Variants in ROBO1 observed in about 807,000 individuals in gnomAD.
The protein encoded by ROBO1 is roundabout guidance receptor 1, also known as roundabout homolog 1.
ROBO1 carries 149 observed loss-of-function variants against 195.9 expected under a neutral mutation model. That is an observed-to-expected ratio of 0.76 (90% CI 0.67 to 0.87). The LOEUF is 0.87. ROBO1 is among the 40% of genes least tolerant of loss of function. ROBO1 has a pLI of 0.00. For synonymous variants in ROBO1, 816 were observed against 733.2 expected, an observed-to-expected ratio of 1.11 and a Z score of -1.82; for missense variants, 1,933 against 2,068.3, an observed-to-expected ratio of 0.93 and a Z score of 1.27.
chr3:78,631,954 A>G (rs1222588681), intron 24 of ROBO1, among the ~76,000 whole-genome samples: 3 of 152,196 alleles, frequency 2.0e-5, no homozygotes, highest in Non-Finnish European at 4.4e-5. Flanking sequence ...TAGTAGTTTG[A>G]CATAGCCCAA....
intron 2 of ROBO1, among the ~76,000 whole-genome samples, chr3:79,542,764 T>G (rs142384803): frequency 6.6e-6 from 1 of 152,082 alleles, no homozygotes; most frequent in Non-Finnish European, 1.5e-5. Flanking sequence ...GAGTTACAGG[T>G]TGATCTACTG....
intron 2 of ROBO1, among the ~76,000 whole-genome samples, chr3:79,566,348 A>C (rs530041423): frequency 3.9e-5 from 6 of 152,256 alleles, no homozygotes; most frequent in African/African-American, 1.4e-4. Flanking sequence ...GTAAAGAAGA[A>C]AGCAAAATAA....
At chr3:79,254,935 G>C (rs1031155499) in intron 2 of ROBO1, among the ~76,000 whole-genome samples, 2 of 152,010 alleles carry the variant, frequency 1.3e-5, no homozygotes, top group South Asian at 2.1e-4. Context: ...TTATGCACAG[G>C]GGTACATGAG....
intron 3 of ROBO1, among the ~76,000 whole-genome samples, chr3:79,080,839 A>G (rs1455768147): frequency 6.6e-6 from 1 of 152,112 alleles, no homozygotes; most frequent in Non-Finnish European, 1.5e-5. Context: ...TTATTTAAAT[A>G]TTCAACTTTT....
chr3:79,464,862 G>C (rs917221375), intron 2 of ROBO1, among the ~76,000 whole-genome samples: 1 of 152,098 alleles, frequency 6.6e-6, no homozygotes, highest in Non-Finnish European at 1.5e-5. Context: ...ATAGGTGCAG[G>C]TACTCTACAC....
chr3:79,478,924 T>G (rs1158676527), intron 2 of ROBO1, among the ~76,000 whole-genome samples: 1 of 152,244 alleles, frequency 6.6e-6, no homozygotes, highest in African/African-American at 2.4e-5. Flanking sequence ...AAATCCAGAA[T>G]AAACTACAAA....
rs967555820 is a variant in ROBO1, at chr3:78,641,364, C to T, written c.2883-1466G>A. 3.9e-5 allele frequency among the ~76,000 whole-genome samples: 6 copies of T among 152,138 alleles called. No homozygotes were observed. The South Asian group carries it at 1.2e-3, about 32-fold the overall frequency. ...CATACACTGGAGAGTACTAAAAGTT[C>T]CTAAAGCTCTGGAATATTCTTAATG... On this transcript the variant is annotated intron_variant, in intron 21 of 30. Transcript: ENST00000464233.
In ROBO1 at chr3:78,668,584, A is replaced by C. The variant is rs773238748; in HGVS notation, c.1549-19T>G. 3.7e-6 allele frequency: 6 copies of C among 1,611,644 alleles called. No individual in the cohort carries two copies. Among genetic ancestry groups the C allele is most frequent in the Middle Eastern group, 1.6e-4 (1 of 6,074 alleles). On this transcript the variant is annotated intron_variant, in intron 11 of 30. Transcript: ENST00000464233. Reference sequence around the variant, plus strand: ...CACCCAGCTGAGAAGGCAGACAAAAAATAAATATTTGGAAAAATCAAGAAC... The same window carrying C: ...CACCCAGCTGAGAAGGCAGACAAAACATAAATATTTGGAAAAATCAAGAAC...
At chr3:78,904,000 G>T (rs329816) in intron 4 of ROBO1, among the ~76,000 whole-genome samples, 66,882 of 151,720 alleles carry the variant, frequency 0.44, 16,754 homozygotes, top group African/African-American at 0.7. Flanking sequence ...CACTGTTGTA[G>T]GAAATAACAG....
Position 78,917,173 on chromosome 3 carries a change from T to G in ROBO1, c.499+21428A>C, listed in dbSNP as rs2038658413. On this transcript the variant is annotated intron_variant, in intron 4 of 30. Transcript: ENST00000464233. ...GTGCAGAGGCACAATCTCGGCTCATTGCAACCTCTGCCTCCCGGGTTCAAG... is the reference window on the plus strand; with the variant it reads ...GTGCAGAGGCACAATCTCGGCTCATGGCAACCTCTGCCTCCCGGGTTCAAG... 6.8e-5 allele frequency among the ~76,000 whole-genome samples: 10 copies of G among 147,170 alleles called. No homozygotes were observed. In the Admixed American group the frequency reaches 6.8e-4, roughly 10 times the overall value.
chr3:78,652,121 C>T (rs1462756581), intron 18 of ROBO1, among the ~76,000 whole-genome samples, 192 bp from the exon 19 acceptor site: 1 of 152,124 alleles, frequency 6.6e-6, no homozygotes, highest in Admixed American at 6.6e-5. Context: ...TTATTTCTTT[C>T]AACTCAAAGC....
chr3:79,058,951 T>A (rs961467708), intron 3 of ROBO1, among the ~76,000 whole-genome samples: 1 of 152,126 alleles, frequency 6.6e-6, no homozygotes, highest in Non-Finnish European at 1.5e-5. Flanking sequence ...TCTATTCACA[T>A]GGCTCATTTT....
At chr3:79,224,121 C>T (rs1413038635) in intron 2 of ROBO1, among the ~76,000 whole-genome samples, 5 of 152,152 alleles carry the variant, frequency 3.3e-5, no homozygotes, top group African/African-American at 1.2e-4. Flanking sequence ...GAATTAGACA[C>T]CATGATAATC....
chr3:79,681,478 G>T (rs888049074), intron 1 of ROBO1, among the ~76,000 whole-genome samples: 2 of 152,006 alleles, frequency 1.3e-5, no homozygotes, highest in African/African-American at 4.8e-5. Flanking sequence ...CCAGAAGTAG[G>T]AAATGAGTGG....
intron 4 of ROBO1, among the ~76,000 whole-genome samples, chr3:78,880,143 A>G (rs2107245739): frequency 6.6e-6 from 1 of 152,288 alleles, no homozygotes; most frequent in Admixed American, 6.5e-5. Context: ...CATCTCATTT[A>G]TTAGGATTGC....
At chr3:79,533,588 A>G (rs1941741873) in intron 2 of ROBO1, among the ~76,000 whole-genome samples, 1 of 152,148 alleles carries the variant, frequency 6.6e-6, no homozygotes, top group African/African-American at 2.4e-5. Flanking sequence ...GATTGGGTCA[A>G]TTCTGAACTT....
intron 2 of ROBO1, among the ~76,000 whole-genome samples, chr3:79,281,909 T>C (rs2031545986): frequency 6.6e-6 from 1 of 152,218 alleles, no homozygotes; most frequent in Admixed American, 6.5e-5. Flanking sequence ...GTTCTAGGTA[T>C]CAAAATGAAT....
At chr3:79,056,296 C>T (rs1044534367) in intron 3 of ROBO1, among the ~76,000 whole-genome samples, 3 of 152,058 alleles carry the variant, frequency 2.0e-5, no homozygotes, top group African/African-American at 4.8e-5. Context: ...AGTGCTTTCA[C>T]CAGTTCGAGC....
chr3:78,819,465 CT>C (rs1372961707), intron 4 of ROBO1, among the ~76,000 whole-genome samples: 1 of 149,204 alleles, frequency 6.7e-6, no homozygotes. Flanking sequence ...AAAACAAAAC[CT>C]TTTTTTTTCT....
Sources: gnomAD v4.1 joint callset for allele counts (sites outside exome capture counted in the v4.1 genomes callset) on GRCh38, gnomAD v4.1.1 for gene constraint, MANE v1.5 for transcripts, NCBI Gene and HGNC (gene_info 2026-07-23, HGNC 2026-07-21) for gene names.